LRCH3: variants seen among roughly 807,000 people sequenced by gnomAD.
LRCH3 encodes the protein leucine rich repeats and calponin homology domain containing 3, also known as DISP complex protein LRCH3.
A neutral mutation model predicts 104.5 loss-of-function variants in LRCH3; 68 were observed. The ratio of observed to expected loss-of-function variants is 0.65; its 90% confidence interval spans 0.54 to 0.80. The LOEUF (loss-of-function observed/expected upper bound fraction) is 0.80. Ranked by LOEUF, LRCH3 falls within the 30% of genes least tolerant of loss-of-function variation. The probability of loss-of-function intolerance (pLI) is 0.00; values close to 1 mark genes in which losing one functional copy is unlikely to be tolerated. For synonymous variants in LRCH3, 344 were observed against 361.3 expected (o/e 0.95, Z 0.54); for missense variants, 951 against 953.9 (o/e 1.00, Z 0.04).
intron 15 of LRCH3, 94 bp from the exon 16 acceptor site, chr3:197,865,322 AGTTACCT>A: frequency 2.6e-6 from 2 of 781,612 alleles, no homozygotes; most frequent in Non-Finnish European, 4.2e-6. Flanking sequence ...CGTGAAGGAG[AGTTACCT>A]GTTTTTTGTC....
At chr3:197,835,960 C>G in intron 9 of LRCH3, 138 bp downstream of exon 9, 2 of 944,648 alleles carry the variant, frequency 2.1e-6, no homozygotes. Context: ...GATTTCAGTC[C>G]TGAGTTTTTC....
At position 197,814,920 on chromosome 3, in the gene LRCH3, A is replaced by G. The variant is rs781608128; in HGVS notation, c.275A>G (p.Asn92Ser). The change falls in exon 2 of 21, where the codon AAT becomes AGT. Residue 92 changes from asparagine to serine, a missense_variant. Physicochemically the swap from Asn to Ser is conservative, Grantham distance 46. Coordinates refer to ENST00000425562, the MANE Select transcript of LRCH3 (RefSeq NM_001365715.1). ...TDTTRADLSR[N>S]RLSEIPIEAC... ...ATTTTTCTTTTAGACCTGTCGCGAA[A>G]TCGCCTTTCAGAAATTCCTATAGAA... 1.3e-6 allele frequency: 2 copies of G among 1,594,564 alleles called. No homozygotes were observed. Among genetic ancestry groups the G allele is most frequent in the East Asian group, 2.3e-5 (1 of 44,246 alleles).
At chr3:197,850,928 C>G in intron 12 of LRCH3, 1 of 815,634 alleles carries the variant, frequency 1.2e-6, no homozygotes, top group Non-Finnish European at 2.2e-6. Flanking sequence ...TCGTGGGGTT[C>G]TCCGGGTCAA....
intron 1 of LRCH3, among the ~76,000 whole-genome samples, chr3:197,793,972 G>A (rs982296170): frequency 1.3e-5 from 2 of 152,118 alleles, no homozygotes; most frequent in South Asian, 2.1e-4. Flanking sequence ...GTAATTCACC[G>A]TGTTAGATAT....
At chr3:197,813,717 G>A (rs1486766206) in intron 1 of LRCH3, among the ~76,000 whole-genome samples, 2 of 151,604 alleles carry the variant, frequency 1.3e-5, no homozygotes, top group Non-Finnish European at 2.9e-5. Context: ...TTTTAGTAGA[G>A]ATGGGGTTTC....
At chr3:197,850,710 C>T (rs1739469759) in intron 12 of LRCH3, 7 of 1,414,824 alleles carry the variant, frequency 4.9e-6, no homozygotes, top group Non-Finnish European at 4.0e-6. Flanking sequence ...TCTGGGCCAC[C>T]GACCTTGTGT....
At chr3:197,837,153 A>G (rs1322989901) in intron 9 of LRCH3, among the ~76,000 whole-genome samples, 1 of 152,174 alleles carries the variant, frequency 6.6e-6, no homozygotes, top group Non-Finnish European at 1.5e-5. Context: ...TGATGAAACT[A>G]CTTGTTGAGG....
intron 1 of LRCH3, among the ~76,000 whole-genome samples, chr3:197,795,935 C>CGGAAG (rs1241930247): frequency 2.0e-5 from 3 of 151,862 alleles, no homozygotes; most frequent in Non-Finnish European, 4.4e-5. Flanking sequence ...TTGTGATCCG[C>CGGAAG]CCGCCTTGGC....
At chr3:197,879,314 T>C (rs1213420990) in intron 20 of LRCH3, among the ~76,000 whole-genome samples, 1 of 152,210 alleles carries the variant, frequency 6.6e-6, no homozygotes, top group African/African-American at 2.4e-5. Flanking sequence ...CAGCTCTGCC[T>C]TCATTTTGAA....
intron 2 of LRCH3, among the ~76,000 whole-genome samples, chr3:197,815,449 T>C (rs1466933992): frequency 1.3e-5 from 2 of 152,216 alleles, no homozygotes; most frequent in Non-Finnish European, 2.9e-5. Flanking sequence ...GCTGATACAA[T>C]TTACTAGATA....
intron 1 of LRCH3, among the ~76,000 whole-genome samples, chr3:197,807,278 G>A (rs535238994): frequency 3.3e-5 from 5 of 150,450 alleles, no homozygotes; most frequent in Admixed American, 2.7e-4. Flanking sequence ...GTGCAGTGGC[G>A]CGATCTCGGG....
chr3:197,862,211 G>A (rs1740965853), intron 15 of LRCH3, among the ~76,000 whole-genome samples: 1 of 152,182 alleles, frequency 6.6e-6, no homozygotes, highest in Admixed American at 6.5e-5. Flanking sequence ...GGCCAGGCTG[G>A]TTTCAAACTC....
chr3:197,804,086 C>T (rs765460519), intron 1 of LRCH3, among the ~76,000 whole-genome samples: 1 of 152,028 alleles, frequency 6.6e-6, no homozygotes, highest in Non-Finnish European at 1.5e-5. Context: ...GGTGAAACCC[C>T]ATCTCTACCA....
chr3:197,822,068 C>T (rs1306360792), intron 4 of LRCH3, among the ~76,000 whole-genome samples: 3 of 152,236 alleles, frequency 2.0e-5, no homozygotes, highest in Non-Finnish European at 4.4e-5. Context: ...TTAGTTCTAA[C>T]ATACTAGTGG....
rs1051152252 is a variant in LRCH3, at chr3:197,886,809, A to C, written c.*3143A>C. ...AACAGAGCGAGACTCTGTCTCAAAA[A>C]AAAAAAAAAAAAAAAACCCACCAAA... On this transcript the variant is annotated 3_prime_UTR_variant, in exon 21 of 21. Transcript: ENST00000425562. The C allele has an allele frequency of 6.6e-6, 1 of 151,438 alleles. No individual in the cohort carries two copies. The highest frequency in any genetic ancestry group is 2.4e-5 in the African/African-American group (1 of 41,160). The allele number at this position is 151,438 out of a possible 1,614,324, so 9.4% of individuals were successfully genotyped here.
intron 10 of LRCH3, among the ~76,000 whole-genome samples, chr3:197,839,891 C>G (rs781306873): frequency 6.7e-6 from 1 of 150,152 alleles, no homozygotes; most frequent in East Asian, 2.0e-4. Flanking sequence ...GAGGATCGCT[C>G]GAACTGGGAG....
Position 197,856,644 on chromosome 3 carries a change from C to T in LRCH3, c.1645-2190C>T, listed in dbSNP as rs1441003151. On this transcript the variant is annotated intron_variant, in intron 14 of 20. Transcript: ENST00000425562. The surrounding 1 kb of genome is among the most constrained non-coding windows in gnomAD (Gnocchi z 4.2). ...TCAAGCAATCCTCCTGCCCCAGCCT[C>T]CCAAAGTGCTGAGATTACAGGCATG... 6.6e-6 allele frequency among the ~76,000 whole-genome samples: 1 copy of T among 152,138 alleles called. No individual in the cohort carries two copies. Among genetic ancestry groups the T allele is most frequent in the East Asian group, 1.9e-4 (1 of 5,204 alleles).
intron 1 of LRCH3, among the ~76,000 whole-genome samples, chr3:197,792,786 G>C (rs1730766943): frequency 1.3e-5 from 2 of 150,398 alleles, no homozygotes; most frequent in South Asian, 4.2e-4. Context: ...CGAGTAGCTG[G>C]GACTACAGGC....
chr3:197,851,229 G>C (rs1739551856), intron 12 of LRCH3, among the ~76,000 whole-genome samples: 1 of 152,168 alleles, frequency 6.6e-6, no homozygotes, highest in Admixed American at 6.5e-5. Context: ...GCCTTCCGTA[G>C]AAGTCACACA....
Sources: allele counts gnomAD v4.1 joint callset (sites outside exome capture counted in the v4.1 genomes callset), GRCh38; gene constraint gnomAD v4.1.1; non-coding constraint Gnocchi (gnomAD v3.1); transcripts MANE v1.5; gene names NCBI Gene and HGNC (gene_info 2026-07-23, HGNC 2026-07-21).